NKAIN2: variants seen among roughly 807,000 people sequenced by gnomAD.
NKAIN2 encodes sodium/potassium transporting ATPase interacting 2.
In NKAIN2, 14 loss-of-function variants were observed where a neutral mutation model predicts 32.6. That is an observed-to-expected ratio of 0.43 (90% CI 0.28 to 0.67). The LOEUF (loss-of-function observed/expected upper bound fraction) is 0.67. Among genes scored for constraint, NKAIN2 ranks in the 30% least tolerant of loss-of-function variants. The probability of loss-of-function intolerance (pLI) is 0.17; values close to 1 mark genes in which losing one functional copy is unlikely to be tolerated. For synonymous variants in NKAIN2, 80 were observed against 87.2 expected (o/e 0.92, Z 0.46); for missense variants, 198 against 258.3 (o/e 0.77, Z 1.60).
At chr6:124,555,400 T>C (rs1780435533) in intron 3 of NKAIN2, among the ~76,000 whole-genome samples, 1 of 152,188 alleles carries the variant, frequency 6.6e-6, no homozygotes, top group Non-Finnish European at 1.5e-5. Context: ...CCCCAATTCC[T>C]CTATGACAAG....
chr6:124,515,728 TCGCCCAGGCTGGAGTGCAGTGGCGCGA>T (rs1778889529), intron 3 of NKAIN2, among the ~76,000 whole-genome samples: 3 of 1,506 alleles, frequency 2.0e-3, no homozygotes, highest in African/African-American at 1.7e-3. Flanking sequence ...TCTCGCTCTG[TCGCCCAGGCTGGAGTGCAGTGGCGCGA>T]TCTCGGCTCA....
intron 2 of NKAIN2, among the ~76,000 whole-genome samples, chr6:124,283,998 T>C (rs1293479124): frequency 6.6e-6 from 1 of 152,158 alleles, no homozygotes; most frequent in Non-Finnish European, 1.5e-5. Context: ...GAAAGCGTCC[T>C]CATTAAAGAT....
chr6:124,817,067 G>A (rs1163802554), intron 5 of NKAIN2, among the ~76,000 whole-genome samples: 2 of 152,112 alleles, frequency 1.3e-5, no homozygotes, highest in Non-Finnish European at 2.9e-5. Flanking sequence ...TCTGATGTCA[G>A]AAACCTGAGC....
intron 3 of NKAIN2, among the ~76,000 whole-genome samples, chr6:124,520,141 A>G (rs1779067366): frequency 6.6e-6 from 1 of 152,142 alleles, no homozygotes; most frequent in South Asian, 2.1e-4. Flanking sequence ...AAAGGCCAAT[A>G]CGAAAAGGAA....
chr6:124,152,980 G>A (rs1421075636), intron 1 of NKAIN2, among the ~76,000 whole-genome samples: 1 of 151,824 alleles, frequency 6.6e-6, no homozygotes, highest in African/African-American at 2.4e-5. Flanking sequence ...GCATAATGGT[G>A]GTTGACTGAG....
chr6:124,013,698 T>G (rs9372769), intron 1 of NKAIN2, among the ~76,000 whole-genome samples: 17,226 of 152,200 alleles, frequency 0.11, 1,689 homozygotes, highest in African/African-American at 0.27. Flanking sequence ...TCAGGGTTGT[T>G]AAACATGAGG....
rs1158671258 is a variant in NKAIN2 at position 124,287,887 on chromosome 6, G to A, written c.192+4745G>A. 2.0e-5 allele frequency among the ~76,000 whole-genome samples: 3 copies of A among 152,086 alleles called. No homozygotes were observed. In the East Asian group the frequency reaches 5.8e-4, roughly 29 times the overall value. On this transcript the variant is annotated intron_variant, in intron 2 of 6. Coordinates refer to ENST00000368417, the MANE Select transcript of NKAIN2 (RefSeq NM_001040214.3). ...TAGGTTCCTATCCATTAAAGCCATA[G>A]CAACTTTCTCAGTGATATTGCCAAA...
intron 1 of NKAIN2, among the ~76,000 whole-genome samples, chr6:124,084,148 C>G (rs552484263): frequency 6.6e-6 from 1 of 151,802 alleles, no homozygotes; most frequent in African/African-American, 2.4e-5. Context: ...AAATAAGGAA[C>G]AGATTGGAGT....
chr6:124,123,866 C>T (rs987863126), intron 1 of NKAIN2, among the ~76,000 whole-genome samples: 2 of 151,918 alleles, frequency 1.3e-5, no homozygotes, highest in Non-Finnish European at 2.9e-5. Context: ...AGTTGATTGC[C>T]TAATCAATGT....
intron 3 of NKAIN2, among the ~76,000 whole-genome samples, chr6:124,486,004 C>A (rs1237209790): frequency 6.6e-6 from 1 of 152,150 alleles, no homozygotes; most frequent in Admixed American, 6.5e-5. Context: ...TTCTGAAACC[C>A]CTCCATCCTC....
At chr6:123,885,735 C>G (rs9482483) in intron 1 of NKAIN2, among the ~76,000 whole-genome samples, 1,875 of 152,068 alleles carry the variant, frequency 0.012, 43 homozygotes, top group African/African-American at 0.042. Context: ...CATTGATTTT[C>G]TAAAGTAGCC....
At chr6:123,932,995 G>A (rs1582802248) in intron 1 of NKAIN2, among the ~76,000 whole-genome samples, 1 of 151,764 alleles carries the variant, frequency 6.6e-6, no homozygotes, top group South Asian at 2.1e-4. Flanking sequence ...TAAACCCCAC[G>A]ACATACCTAT....
chr6:124,393,600 A>T (rs1773234691), intron 3 of NKAIN2, among the ~76,000 whole-genome samples: 1 of 152,182 alleles, frequency 6.6e-6, no homozygotes, highest in African/African-American at 2.4e-5. Context: ...ACTAATGAAG[A>T]ATTAAAAGGA....
Position 124,778,757 on chromosome 6 carries a change from C to A in NKAIN2, c.475-12582C>A, listed in dbSNP as rs558606924. Among the ~76,000 whole-genome samples, 46 of 152,114 alleles carry A rather than the reference C, an allele frequency of 3.0e-4. No individual in the cohort carries two copies. The East Asian group carries it at 6.0e-3, about 20-fold the overall frequency. On this transcript the variant is annotated intron_variant, in intron 4 of 6. Coordinates refer to ENST00000368417, the MANE Select transcript of NKAIN2 (RefSeq NM_001040214.3). ...TCCAAAAAATCTCTAAATTAGCTAA[C>A]CATTCTCAACCTCTGCCTGCTTAAA...
At chr6:124,043,106 C>G (rs1781950020) in intron 1 of NKAIN2, among the ~76,000 whole-genome samples, 2 of 151,956 alleles carry the variant, frequency 1.3e-5, no homozygotes, top group Non-Finnish European at 2.9e-5. Flanking sequence ...ACATGTAATC[C>G]CAGCAATTTG....
intron 1 of NKAIN2, among the ~76,000 whole-genome samples, chr6:124,010,678 G>A (rs915402472): frequency 3.3e-5 from 5 of 151,790 alleles, no homozygotes; most frequent in African/African-American, 1.2e-4. Context: ...TGCAGTGTGG[G>A]CTTTTGAAGA....
intron 2 of NKAIN2, among the ~76,000 whole-genome samples, chr6:124,316,463 C>T (rs548286853): frequency 9.9e-5 from 15 of 151,970 alleles, no homozygotes; most frequent in South Asian, 2.1e-4. Context: ...ATGATATAAC[C>T]GCATTTCTCA....
intron 1 of NKAIN2, among the ~76,000 whole-genome samples, chr6:124,023,943 A>G (rs2114767322): frequency 6.6e-6 from 1 of 152,284 alleles, no homozygotes; most frequent in African/African-American, 2.4e-5. Flanking sequence ...TTGATATAGA[A>G]AAATCGTCTA....
intron 2 of NKAIN2, among the ~76,000 whole-genome samples, chr6:124,350,359 C>CA (rs761968807): frequency 6.6e-6 from 1 of 151,584 alleles, no homozygotes; most frequent in Non-Finnish European, 1.5e-5. Flanking sequence ...GGCAACTAGG[C>CA]AAAATCCAAT....
Sources: allele counts gnomAD v4.1 joint callset (sites outside exome capture counted in the v4.1 genomes callset), GRCh38; gene constraint gnomAD v4.1.1; transcripts MANE v1.5; gene names NCBI Gene and HGNC (gene_info 2026-07-23, HGNC 2026-07-21).